The following NHEJ1 variants were observed in gnomAD, a reference collection of about 807,000 sequenced individuals.
NHEJ1 encodes the protein non-homologous end joining factor 1, also known as non-homologous end-joining factor 1.
Under a neutral mutation model 39.4 loss-of-function variants are expected in NHEJ1, and 22 were observed. That is an observed-to-expected ratio of 0.56 (90% confidence interval 0.40 to 0.80). The LOEUF is 0.80. Ranked by LOEUF, NHEJ1 falls within the 30% of genes least tolerant of loss-of-function variation. The pLI, the probability that NHEJ1 is intolerant of heterozygous loss-of-function variation, is 0.00. For synonymous variants in NHEJ1, 154 were observed against 135.6 expected, an observed-to-expected ratio of 1.14 and a Z score of -0.94; for missense variants, 329 against 357.1, an observed-to-expected ratio of 0.92 and a Z score of 0.63.
chr2:219,152,876 C>T (rs1055707868), intron 3 of NHEJ1, among the ~76,000 whole-genome samples: 8 of 151,766 alleles, frequency 5.3e-5, no homozygotes, highest in Non-Finnish European at 1.0e-4. Context: ...AATCTCAGCT[C>T]ACTGCAACCT....
At chr2:219,139,437 G>A (rs1192035720) in intron 5 of NHEJ1, among the ~76,000 whole-genome samples, 2 of 152,064 alleles carry the variant, frequency 1.3e-5, no homozygotes, top group Non-Finnish European at 2.9e-5. Context: ...CAGGTCCTGT[G>A]AGTAGCCCTA....
rs1024673389 is a variant in NHEJ1 at position 219,076,223 on chromosome 2, T to C, written c.*158A>G. ...ACTTGAACAGGGAAGGCCAATTCCC[T>C]GTGGGCCTGTCAACATCAACTTCAG... On this transcript the variant is annotated 3_prime_UTR_variant, in exon 8 of 8. Coordinates refer to ENST00000356853, the MANE Select transcript of NHEJ1 (RefSeq NM_024782.3). 2 of 1,505,274 alleles carry C rather than the reference T, an allele frequency of 1.3e-6. No homozygotes were observed. The highest frequency in any genetic ancestry group is 1.2e-5 in the South Asian group (1 of 80,770). The allele number at this position is 1,505,274 out of a possible 1,614,324, so 93.2% of individuals were successfully genotyped here.
chr2:219,070,849 T>C lies in NHEJ1; in HGVS notation c.*5532A>G, dbSNP rs922284357. 2.0e-5 allele frequency among the ~76,000 whole-genome samples: 3 copies of C among 152,206 alleles called. No homozygotes were observed. The highest frequency in any genetic ancestry group is 2.0e-4 in the Admixed American group (3 of 15,282). On this transcript the variant is annotated 3_prime_UTR_variant, in exon 8 of 8. Coordinates refer to ENST00000356853, the MANE Select transcript of NHEJ1 (RefSeq NM_024782.3). ...TACCACTATCAGAAAACCACTCAAG[T>C]AGGGCCATCAGTATCACCTTCAAAT... is the stretch of plus-strand genomic sequence containing the variant.
chr2:219,121,537 G>A (rs1259296541), intron 5 of NHEJ1, among the ~76,000 whole-genome samples: 2 of 151,908 alleles, frequency 1.3e-5, no homozygotes, highest in Non-Finnish European at 2.9e-5. Flanking sequence ...TCTTTCACAC[G>A]TGACATCAAA....
chr2:219,110,099 T>A (rs1355323210), intron 5 of NHEJ1, among the ~76,000 whole-genome samples: 3 of 152,210 alleles, frequency 2.0e-5, no homozygotes, highest in Non-Finnish European at 4.4e-5. Context: ...AAATACATTT[T>A]GAGAGCTTAC....
intron 5 of NHEJ1, among the ~76,000 whole-genome samples, chr2:219,139,142 C>A (rs1949665896): frequency 6.6e-6 from 1 of 151,828 alleles, no homozygotes; most frequent in Admixed American, 6.6e-5. Flanking sequence ...GGCTGGAGTG[C>A]AGTGGTGTGA....
chr2:219,126,326 C>T (rs1005700176), intron 5 of NHEJ1, among the ~76,000 whole-genome samples: 6 of 152,204 alleles, frequency 3.9e-5, no homozygotes, highest in South Asian at 2.1e-4. Flanking sequence ...TTGTGCAACT[C>T]GAGGCCGTTC....
At chr2:219,124,963 C>T (rs1257431052) in intron 5 of NHEJ1, among the ~76,000 whole-genome samples, 1 of 152,042 alleles carries the variant, frequency 6.6e-6, no homozygotes, top group Admixed American at 6.5e-5. Flanking sequence ...GATTCCAGTC[C>T]AGGATGTGCT....
At chr2:219,159,104 T>C (rs1288595618) in intron 1 of NHEJ1, 1 of 152,744 alleles carries the variant, frequency 6.5e-6, no homozygotes, top group Non-Finnish European at 1.5e-5. Flanking sequence ...CCAGAATGAC[T>C]AGGAAATCAT....
intron 5 of NHEJ1, among the ~76,000 whole-genome samples, chr2:219,129,976 G>GTTT (rs11435116): frequency 7.0e-6 from 1 of 143,694 alleles, no homozygotes. Flanking sequence ...TTTCTGTCCT[G>GTTT]TTTTTTTTTT....
chr2:219,127,902 G>A (rs890447234), intron 5 of NHEJ1, among the ~76,000 whole-genome samples: 1 of 152,126 alleles, frequency 6.6e-6, no homozygotes, highest in African/African-American at 2.4e-5. Flanking sequence ...CCTTGGCACT[G>A]GAAAATAAAC....
chr2:219,104,722 AG>A (rs1385283400), intron 5 of NHEJ1, among the ~76,000 whole-genome samples: 2 of 152,192 alleles, frequency 1.3e-5, no homozygotes, highest in Non-Finnish European at 2.9e-5. Flanking sequence ...CACACAAAAA[AG>A]AAGAAACCAC....
intron 1 of NHEJ1, chr2:219,158,825 T>G (rs1949882811): frequency 5.4e-6 from 1 of 184,708 alleles, no homozygotes; most frequent in Non-Finnish European, 1.2e-5. Flanking sequence ...GCCAGGAAAT[T>G]CGAAGTATTT....
chr2:219,142,086 T>G (rs1949696926), intron 5 of NHEJ1, among the ~76,000 whole-genome samples: 1 of 152,212 alleles, frequency 6.6e-6, no homozygotes, highest in Non-Finnish European at 1.5e-5. Flanking sequence ...CAACCATGGC[T>G]GCACTTAGGA....
At position 219,076,141 on chromosome 2, in the gene NHEJ1, C is replaced by A; in HGVS notation, c.*240G>T. 1 of 810,348 alleles carries A rather than the reference C, an allele frequency of 1.2e-6. No individual in the cohort carries two copies. Among genetic ancestry groups the A allele is most frequent in the Non-Finnish European group, 1.9e-6 (1 of 529,870 alleles). 50.2% of individuals were successfully genotyped at this position (810,348 alleles called of 1,614,324 possible). A position where few individuals can be genotyped will look rare whatever the true frequency, so the allele number is the denominator to read the frequency against. ...CTAAAGTCCATGGTAGAAACCTGAA[C>A]CTACAGAACCTCCACCAAAAGAGAG... On this transcript the variant is annotated 3_prime_UTR_variant, in exon 8 of 8. Coordinates refer to ENST00000356853, the MANE Select transcript of NHEJ1 (RefSeq NM_024782.3).
At chr2:219,100,405 C>G (rs1420104428) in intron 5 of NHEJ1, among the ~76,000 whole-genome samples, 1 of 150,536 alleles carries the variant, frequency 6.6e-6, no homozygotes, top group Non-Finnish European at 1.5e-5. Context: ...GAGTTCGAGA[C>G]CAGCTTAGCC....
intron 5 of NHEJ1, among the ~76,000 whole-genome samples, chr2:219,113,015 T>C (rs1949379810): frequency 1.3e-5 from 2 of 152,312 alleles, no homozygotes; most frequent in Admixed American, 1.3e-4. Flanking sequence ...TGTGGTATAT[T>C]GTTTATGCTA....
intron 3 of NHEJ1, among the ~76,000 whole-genome samples, chr2:219,149,878 A>C (rs188675035): frequency 1.3e-5 from 2 of 152,372 alleles, no homozygotes; most frequent in Admixed American, 1.3e-4. Context: ...TATGTAAACA[A>C]ATCAAGTGGC....
At chr2:219,143,335 G>A (rs904810233) in intron 5 of NHEJ1, among the ~76,000 whole-genome samples, 1 of 152,102 alleles carries the variant, frequency 6.6e-6, no homozygotes, top group South Asian at 2.1e-4. Context: ...AGCCCCAGTA[G>A]GAAACCTTTC....
Sources: gnomAD v4.1 joint callset for allele counts (sites outside exome capture counted in the v4.1 genomes callset) on GRCh38, gnomAD v4.1.1 for gene constraint, MANE v1.5 for transcripts, NCBI Gene and HGNC (gene_info 2026-07-23, HGNC 2026-07-21) for gene names.